FSIP1: variants seen among roughly 807,000 people sequenced by gnomAD.
The protein encoded by FSIP1 is fibrous sheath interacting protein 1.
In FSIP1, 65 loss-of-function variants were observed where a neutral mutation model predicts 60.9. The ratio of observed to expected loss-of-function variants is 1.07; its 90% CI spans 0.87 to 1.31. The LOEUF (loss-of-function observed/expected upper bound fraction) is 1.31. Among genes scored for constraint, FSIP1 ranks in the 40% most tolerant of loss-of-function variants. The pLI is 0.00. For missense variants in FSIP1, 675 were observed against 665.5 expected (o/e 1.01, Z -0.16); for synonymous variants, 209 against 221.2 (o/e 0.94, Z 0.49).
chr15:39,610,850 G>A (rs778593485), intron 11 of FSIP1, among the ~76,000 whole-genome samples: 7 of 152,182 alleles, frequency 4.6e-5, no homozygotes, highest in African/African-American at 1.7e-4. Context: ...AAACAAAACT[G>A]GCAACCAAGA....
At chr15:39,765,358 A>G (rs1448666055) in intron 4 of FSIP1, among the ~76,000 whole-genome samples, 1 of 148,814 alleles carries the variant, frequency 6.7e-6, no homozygotes, top group Non-Finnish European at 1.5e-5. Context: ...CTCCCACCTC[A>G]GCCTCCCAAG....
At chr15:39,633,005 A>G (rs770193518) in intron 10 of FSIP1, among the ~76,000 whole-genome samples, 5 of 151,914 alleles carry the variant, frequency 3.3e-5, no homozygotes, top group Non-Finnish European at 2.9e-5. Context: ...TGGACTCAGA[A>G]TTGTACTTCC....
intron 9 of FSIP1, 33 bp downstream of exon 9, chr15:39,726,556 T>C: frequency 6.3e-7 from 1 of 1,593,048 alleles, no homozygotes; most frequent in South Asian, 1.1e-5. Context: ...TTAGCACACA[T>C]TAACTTGAAC....
At chr15:39,606,717 T>A (rs892765509) in intron 11 of FSIP1, among the ~76,000 whole-genome samples, 3 of 152,202 alleles carry the variant, frequency 2.0e-5, no homozygotes, top group Non-Finnish European at 2.9e-5. Context: ...CTGTCCCCAT[T>A]TTTTACTGCA....
chr15:39,670,952 A>G (rs907446594), intron 10 of FSIP1, among the ~76,000 whole-genome samples: 2 of 152,242 alleles, frequency 1.3e-5, no homozygotes, highest in Non-Finnish European at 2.9e-5. Flanking sequence ...TATACCACTC[A>G]GGCCAGAGGG....
intron 10 of FSIP1, among the ~76,000 whole-genome samples, chr15:39,663,444 T>G (rs970076922): frequency 6.6e-6 from 1 of 152,178 alleles, no homozygotes; most frequent in Non-Finnish European, 1.5e-5. Context: ...TATTCAAATC[T>G]ACGGTAAATA....
intron 10 of FSIP1, among the ~76,000 whole-genome samples, chr15:39,679,354 G>A (rs779396094): frequency 1.1e-4 from 16 of 152,158 alleles, no homozygotes; most frequent in Non-Finnish European, 1.6e-4. Flanking sequence ...CTGTTGCGCC[G>A]ACAAACTGAC....
chr15:39,713,383 A>C, intron 10 of FSIP1, 61 bp downstream of exon 10: 1 of 1,483,886 alleles, frequency 6.7e-7, no homozygotes, highest in Non-Finnish European at 9.1e-7. Context: ...CCTGGGCAAC[A>C]TAGTGAGAAC....
At chr15:39,655,892 T>C (rs1893051567) in intron 10 of FSIP1, among the ~76,000 whole-genome samples, 1 of 152,196 alleles carries the variant, frequency 6.6e-6, no homozygotes, top group Non-Finnish European at 1.5e-5. Flanking sequence ...AATGCAACCA[T>C]TTCTGTTGCA....
At chr15:39,625,152 G>C (rs7171103) in intron 10 of FSIP1, among the ~76,000 whole-genome samples, 8,580 of 152,238 alleles carry the variant, frequency 0.056, 827 homozygotes, top group African/African-American at 0.2. Flanking sequence ...TTGCCTTATG[G>C]GTTTGCCTGG....
intron 10 of FSIP1, among the ~76,000 whole-genome samples, chr15:39,675,777 G>A (rs1435314692): frequency 1.3e-5 from 2 of 152,168 alleles, no homozygotes; most frequent in Non-Finnish European, 2.9e-5. Context: ...CTTATTTCAT[G>A]TGATAAAGTT....
intron 10 of FSIP1, among the ~76,000 whole-genome samples, chr15:39,665,079 A>T (rs957821883): frequency 6.6e-6 from 1 of 152,094 alleles, no homozygotes; most frequent in African/African-American, 2.4e-5. Context: ...CCCTTCTCCC[A>T]CCACTCCCAT....
intron 11 of FSIP1, among the ~76,000 whole-genome samples, chr15:39,607,039 C>T: frequency 6.6e-6 from 1 of 152,162 alleles, no homozygotes; most frequent in Admixed American, 6.5e-5. Flanking sequence ...CCTCATGCTC[C>T]CACAAGGAGG....
intron 1 of FSIP1, among the ~76,000 whole-genome samples, chr15:39,779,165 G>T (rs1313551478): frequency 1.3e-5 from 2 of 152,042 alleles, no homozygotes; most frequent in African/African-American, 4.8e-5. Context: ...AGTAAGAAAA[G>T]AAAATTCTAA....
intron 10 of FSIP1, among the ~76,000 whole-genome samples, chr15:39,656,064 C>T (rs745981491): frequency 2.0e-4 from 30 of 152,082 alleles, no homozygotes; most frequent in Non-Finnish European, 4.1e-4. Flanking sequence ...ATGAAAACAT[C>T]TGTACACAGA....
At chr15:39,740,807 G>T (rs1262059110) in intron 6 of FSIP1, among the ~76,000 whole-genome samples, 1 of 152,030 alleles carries the variant, frequency 6.6e-6, no homozygotes, top group Non-Finnish European at 1.5e-5. Flanking sequence ...GAGAGAAAGA[G>T]TAAGATCTCT....
At chr15:39,736,177 T>C (rs1204782412) in intron 8 of FSIP1, among the ~76,000 whole-genome samples, 1 of 152,250 alleles carries the variant, frequency 6.6e-6, no homozygotes, top group East Asian at 1.9e-4. Flanking sequence ...AAAACATCAT[T>C]ATGTGGCACA....
intron 10 of FSIP1, among the ~76,000 whole-genome samples, chr15:39,704,430 C>T (rs959566229): frequency 3.3e-5 from 5 of 152,166 alleles, no homozygotes; most frequent in East Asian, 3.8e-4. Flanking sequence ...GATGTATATC[C>T]GGTTGGTAAC....
chr15:39,740,759 CAT>C (rs1335304686), intron 6 of FSIP1, among the ~76,000 whole-genome samples: 2 of 151,942 alleles, frequency 1.3e-5, no homozygotes, highest in Non-Finnish European at 2.9e-5. Context: ...CAGATATAAC[CAT>C]TTAAAATTTT....
Sources: allele counts gnomAD v4.1 joint callset (sites outside exome capture counted in the v4.1 genomes callset), GRCh38; gene constraint gnomAD v4.1.1; transcripts MANE v1.5; gene names NCBI Gene and HGNC (gene_info 2026-07-23, HGNC 2026-07-21).